The following TCEAL4 variants were observed in gnomAD, a reference collection of about 807,000 sequenced individuals.
The protein encoded by TCEAL4 is transcription elongation factor A protein-like 4.
A neutral mutation model predicts 1.3 loss-of-function variants in TCEAL4; 1 was observed. The ratio of observed to expected loss-of-function variants is 0.79; its 90% confidence interval spans 0.28 to 3.76. The LOEUF is 3.76. Among genes scored for constraint, TCEAL4 ranks in the 30% most tolerant of loss-of-function variants. The pLI, the probability that TCEAL4 is intolerant of heterozygous loss-of-function variation, is 0.18. For synonymous variants in TCEAL4, 54 were observed against 50.7 expected (o/e 1.06, Z -0.28); for missense variants, 129 against 154.7 (o/e 0.83, Z 0.88).
At chrX:103,585,834 C>G (rs1259786332) in intron 1 of TCEAL4, 8 of 1,044,098 alleles carry the variant, frequency 7.7e-6, no homozygotes, top group Non-Finnish European at 1.0e-5. Context: ...GCGAGCACCC[C>G]CAAGTATCCA....
intron 1 of TCEAL4, chrX:103,577,085 T>C (rs2073486872): frequency 1.7e-6 from 2 of 1,164,641 alleles, no homozygotes; most frequent in Non-Finnish European, 2.3e-6. Flanking sequence ...CTGATCAAAA[T>C]AGTCGCAGGG....
rs908326790 is a variant in TCEAL4 at position 103,586,452 on chromosome X, G to A, written c.-28+161G>A. 2.0e-5 allele frequency: 16 copies of A among 818,380 alleles called. No homozygotes were observed. The Admixed American group carries it at 5.3e-4, about 27-fold the overall frequency. The allele number at this position is 818,380 out of a possible 1,213,427, so 67.4% of individuals were successfully genotyped here. A position where few individuals can be genotyped will look rare whatever the true frequency, so the allele number is the denominator to read the frequency against. On this transcript the variant is annotated intron_variant, in intron 2 of 2. Coordinates refer to ENST00000472484, the MANE Select transcript of TCEAL4 (RefSeq NM_001006935.3). ...CAGAGAAAGTGGCAGAGCCTGTCAG[G>A]CAATGGCTGGCTCACGTGTGTGGGA...
intron 2 of TCEAL4, chrX:103,577,283 A>G: frequency 9.2e-7 from 1 of 1,083,089 alleles, no homozygotes; most frequent in South Asian, 2.2e-5. Context: ...AAAGTATGGA[A>G]CATTTCTAAT....
exon 1 of TCEAL4, chrX:103,576,368 T>C: frequency 2.0e-6 from 2 of 1,011,359 alleles, no homozygotes; most frequent in Non-Finnish European, 2.7e-6. Context: ...TTAAGGTTAG[T>C]ATTGCTGCAT....
Position 103,587,366 on chromosome X carries a change from C to A in TCEAL4, c.*43C>A. 8.8e-7 allele frequency: 1 copy of A among 1,133,259 alleles called. No homozygotes were observed. Among genetic ancestry groups the A allele is most frequent in the Non-Finnish European group, 1.2e-6 (1 of 858,124 alleles). The allele number at this position is 1,133,259 out of a possible 1,213,427, so 93.4% of individuals were successfully genotyped here. A position where few individuals can be genotyped will look rare whatever the true frequency, so the allele number is the denominator to read the frequency against. ...TACCAGGCCATGTGCTTTAACGTTA[C>A]GGTAATACTTTACTTTAGGCATCCC... On this transcript the variant is annotated 3_prime_UTR_variant, in exon 3 of 3. Transcript: ENST00000472484.
chrX:103,576,467 A>G (rs1291397967), exon 1 of TCEAL4: 1 of 1,164,859 alleles, frequency 8.6e-7, no homozygotes, highest in Non-Finnish European at 1.1e-6. Context: ...TGCTGAGGTC[A>G]AGATGCCAGC....
At chrX:103,576,553 C>A in intron 1 of TCEAL4, 1 of 954,497 alleles carries the variant, frequency 1.0e-6, no homozygotes. Context: ...CACCTGAGGT[C>A]AGGAGTTTGA....
upstream of TCEAL4, among the ~76,000 whole-genome samples, chrX:103,581,350 G>A (rs182081157): frequency 1.0e-3 from 111 of 111,262 alleles, 4 homozygotes; most frequent in East Asian, 0.027. Flanking sequence ...AAACTATTCC[G>A]AAAAAATTGA....
At chrX:103,584,011 T>C (rs1368288550), upstream of TCEAL4, among the ~76,000 whole-genome samples, 2 of 110,358 alleles carry the variant, frequency 1.8e-5, no homozygotes, top group East Asian at 5.7e-4. Flanking sequence ...CACTGCAACC[T>C]CTGCCTCTCG....
chrX:103,585,522 C>T lies in TCEAL4; in HGVS notation c.-203C>T. On this transcript the variant is annotated 5_prime_UTR_variant, in exon 1 of 3. Transcript: ENST00000472484. The stretch of plus-strand genomic sequence containing the variant: ...GCGGCATTCACGTGATCTGCACGGG[C>T]GCAGATGTAGGCACCGGTCCGAGTG... 2 of 1,146,766 alleles carry T rather than the reference C, an allele frequency of 1.7e-6. No individual in the cohort carries two copies. Among genetic ancestry groups the T allele is most frequent in the Non-Finnish European group, 2.3e-6 (2 of 860,222 alleles). The allele number at this position is 1,146,766 out of a possible 1,213,427, so 94.5% of individuals were successfully genotyped here.
intron 1 of TCEAL4, chrX:103,585,882 G>C: frequency 9.5e-7 from 1 of 1,052,766 alleles, no homozygotes; most frequent in Non-Finnish European, 1.2e-6. Context: ...TCTGCCCTCC[G>C]TCCATTTTGG....
At position 103,577,191 on chromosome X, in the gene TCEAL4, C is replaced by CG. The variant is rs201917819; in HGVS notation, c.163dup (p.Glu55GlyfsTer3). ...TATGTGGAGCGGGACATAACAACTT[C>CG]GGAAATTAAATCTCTTCCCCAGGTA... On this transcript the variant is annotated frameshift_variant, in exon 2 of 5. Transcript: ENST00000372629. LOFTEE classifies it high-confidence loss of function. The CG allele has an allele frequency of 3.5e-3, 4,108 of 1,165,241 alleles. 170 individuals carry two copies. The Admixed American group carries it at 0.099, about 28-fold the overall frequency.
At chrX:103,582,598 G>A (rs977941946), upstream of TCEAL4, among the ~76,000 whole-genome samples, 1 of 111,192 alleles carries the variant, frequency 9.0e-6, no homozygotes, top group African/African-American at 3.3e-5. Flanking sequence ...TCATAAATAA[G>A]ACCACACACC....
upstream of TCEAL4, among the ~76,000 whole-genome samples, chrX:103,583,698 C>A (rs190813861): frequency 4.9e-4 from 54 of 111,318 alleles, no homozygotes; most frequent in Admixed American, 2.0e-3. Context: ...CACACAGGGG[C>A]CTGCTGGGGG....
chrX:103,577,298 A>C, intron 2 of TCEAL4: 1 of 1,027,864 alleles, frequency 9.7e-7, no homozygotes, highest in Non-Finnish European at 1.3e-6. Flanking sequence ...TCTAATGCTA[A>C]TCAATGGAGA....
At position 103,585,836 on chromosome X, in the gene TCEAL4, A is replaced by C. The variant is rs919155758; in HGVS notation, c.-101+212A>C. 31 of 1,045,883 alleles carry C rather than the reference A, an allele frequency of 3.0e-5. No individual in the cohort carries two copies. The African/African-American group carries it at 5.4e-4, about 18-fold the overall frequency. The allele number at this position is 1,045,883 out of a possible 1,213,427, so 86.2% of individuals were successfully genotyped here. On this transcript the variant is annotated intron_variant, in intron 1 of 2. Coordinates refer to ENST00000472484, the MANE Select transcript of TCEAL4 (RefSeq NM_001006935.3). ...GAGGGTGAGGAAGGCGAGCACCCCC[A>C]AGTATCCATGCTCGCTTTCCAGGCA... is the stretch of plus-strand genomic sequence containing the variant.
At chrX:103,585,849 C>T in intron 1 of TCEAL4, 1 of 1,050,894 alleles carries the variant, frequency 9.5e-7, no homozygotes, top group Non-Finnish European at 1.3e-6. Flanking sequence ...TATCCATGCT[C>T]GCTTTCCAGG....
chrX:103,583,115 A>G (rs755443301), upstream of TCEAL4, among the ~76,000 whole-genome samples: 31 of 112,708 alleles, frequency 2.8e-4, no homozygotes, highest in Non-Finnish European at 5.1e-4. Flanking sequence ...AAACATGTGA[A>G]AAAAACCTCA....
At chrX:103,576,641 A>G (rs1603156628) in intron 1 of TCEAL4, 2 of 462,389 alleles carry the variant, frequency 4.3e-6, no homozygotes, top group Non-Finnish European at 3.7e-6. Flanking sequence ...GCATGCCCCT[A>G]TAATCCCAGC....
Sources: allele counts gnomAD v4.1 joint callset (sites outside exome capture counted in the v4.1 genomes callset), GRCh38; gene constraint gnomAD v4.1.1; transcripts MANE v1.5; gene names NCBI Gene and HGNC (gene_info 2026-07-23, HGNC 2026-07-21).